Variants in PTBP3 observed in about 807,000 individuals in gnomAD.
PTBP3 encodes the protein polypyrimidine tract-binding protein 3.
PTBP3 carries 20 observed loss-of-function variants against 58.7 expected under a neutral mutation model. The observed-to-expected ratio is 0.34, with a 90% CI of 0.24 to 0.50. The LOEUF is 0.50. Among genes scored for constraint, PTBP3 ranks in the 20% least tolerant of loss-of-function variants. The probability of loss-of-function intolerance (pLI) is 0.98; values close to 1 mark genes in which losing one functional copy is unlikely to be tolerated. For synonymous variants in PTBP3, 185 were observed against 219.8 expected, an observed-to-expected ratio of 0.84 and a Z score of 1.40; for missense variants, 509 against 637.2, an observed-to-expected ratio of 0.80 and a Z score of 2.17.
intron 1 of PTBP3, chr9:112,298,506 G>A (rs963695776): frequency 2.0e-6 from 1 of 495,080 alleles, no homozygotes; most frequent in Non-Finnish European, 4.0e-6. Context: ...AAGTAACTCA[G>A]AGAAGTCTTT....
rs547828910 is a variant in PTBP3, at chr9:112,238,969, A to G, written c.803-4072T>C. 5.9e-5 allele frequency among the ~76,000 whole-genome samples: 9 copies of G among 152,320 alleles called. No homozygotes were observed. In the East Asian group the frequency reaches 1.7e-3, roughly 29 times the overall value. On this transcript the variant is annotated intron_variant, in intron 7 of 13. Transcript: ENST00000374257. Reference sequence around the variant, plus strand: ...TGGCATGTCTGAGTTGCAAGAAGGAATGAAAAGCCTAAAGAGTTATATATG... The same window carrying G: ...TGGCATGTCTGAGTTGCAAGAAGGAGTGAAAAGCCTAAAGAGTTATATATG...
chr9:112,371,929 G>C, the PTBP3 span, among the ~76,000 whole-genome samples: 43 of 152,028 alleles, frequency 2.8e-4, no homozygotes, highest in African/African-American at 1.0e-3. Context: ...ATTTTTTGTA[G>C]AGATGGAGTC....
chr9:112,355,192 C>G, the PTBP3 span, among the ~76,000 whole-genome samples: 1 of 152,096 alleles, frequency 6.6e-6, no homozygotes, highest in Non-Finnish European at 1.5e-5. Flanking sequence ...GGTATGAGAC[C>G]AACCCCTGTG....
At chr9:112,229,178 G>A (rs895432468) in intron 10 of PTBP3, among the ~76,000 whole-genome samples, 2 of 152,210 alleles carry the variant, frequency 1.3e-5, no homozygotes, top group East Asian at 3.9e-4. Context: ...CAGGTTCTAC[G>A]AAGTCAATTC....
At chr9:112,218,051 C>G (rs938968281), downstream of PTBP3, 2 of 152,076 alleles carry the variant, frequency 1.3e-5, no homozygotes, top group Admixed American at 6.5e-5. Context: ...AAATACTGAA[C>G]AAAACTGGAA....
At chr9:112,298,527 G>A (rs781253401) in intron 1 of PTBP3, 3 of 507,648 alleles carry the variant, frequency 5.9e-6, no homozygotes, top group Admixed American at 2.0e-5. Flanking sequence ...TCATTGTAAT[G>A]TAAGATCTAC....
At chr9:112,369,793 T>C in the PTBP3 span, among the ~76,000 whole-genome samples, 2 of 152,098 alleles carry the variant, frequency 1.3e-5, no homozygotes, top group Non-Finnish European at 2.9e-5. Context: ...TTTGGCTGTG[T>C]CCCCACCCAA....
intron 1 of PTBP3, among the ~76,000 whole-genome samples, chr9:112,300,620 C>T (rs1256446913): frequency 6.6e-6 from 1 of 152,070 alleles, no homozygotes; most frequent in African/African-American, 2.4e-5. Context: ...GGCGTGGTGG[C>T]GGGCGCCTGT....
At chr9:112,291,298 T>G (rs1418983382) in intron 2 of PTBP3, among the ~76,000 whole-genome samples, 1 of 151,790 alleles carries the variant, frequency 6.6e-6, no homozygotes, top group Non-Finnish European at 1.5e-5. Context: ...GTCCATAATA[T>G]TCAAAGTGAT....
At chr9:112,299,456 G>A (rs1828822319) in intron 1 of PTBP3, among the ~76,000 whole-genome samples, 2 of 151,976 alleles carry the variant, frequency 1.3e-5, no homozygotes, top group Non-Finnish European at 2.9e-5. Context: ...AGATATCTGC[G>A]ATATGTAAAA....
Position 112,223,934 on chromosome 9 carries a change from T to C in PTBP3, c.1492A>G (p.Ile498Val), listed in dbSNP as rs1488440337. Residue 498 changes from isoleucine to valine, a missense_variant, in exon 14 of 14, where the codon ATT becomes GTT. Ile to Val is a conservative substitution (Grantham distance 29). Transcript: ENST00000374257. ...TTATGAAGCTCAATGAGGGCCTGAA[T>C]TGCTTCTTCCACAGATCCCAATTGA... Reference protein sequence around the residue: ...LIQLGSVEEAIQALIELHNHD... With the variant: ...LIQLGSVEEAVQALIELHNHD... 2 of 1,613,640 alleles carry C rather than the reference T, an allele frequency of 1.2e-6. No individual in the cohort carries two copies. Among genetic ancestry groups the C allele is most frequent in the Non-Finnish European group, 1.7e-6 (2 of 1,179,836 alleles).
chr9:112,325,304 G>A (rs1037862586), intron 1 of PTBP3, among the ~76,000 whole-genome samples: 2 of 152,146 alleles, frequency 1.3e-5, no homozygotes, highest in African/African-American at 2.4e-5. Flanking sequence ...AACGTGGAGC[G>A]GCTCAGACTA....
intron 1 of PTBP3, among the ~76,000 whole-genome samples, chr9:112,313,077 A>G (rs180968045): frequency 1.3e-5 from 2 of 152,270 alleles, no homozygotes; most frequent in East Asian, 1.9e-4. Context: ...ATCAAAGTAC[A>G]TATGTGGTAT....
At chr9:112,270,795 C>T (rs2132173420) in intron 3 of PTBP3, among the ~76,000 whole-genome samples, 1 of 152,180 alleles carries the variant, frequency 6.6e-6, no homozygotes, top group South Asian at 2.1e-4. Context: ...CTTTAGTGTT[C>T]CCAGGGCTTA....
chr9:112,335,067 G>T (rs1441010718), upstream of PTBP3, among the ~76,000 whole-genome samples: 4 of 151,980 alleles, frequency 2.6e-5, no homozygotes, highest in Non-Finnish European at 4.4e-5. Flanking sequence ...ACTGTATTTG[G>T]GATATATTCT....
chr9:112,352,626 T>A, the PTBP3 span, among the ~76,000 whole-genome samples: 1 of 152,218 alleles, frequency 6.6e-6, no homozygotes, highest in African/African-American at 2.4e-5. Context: ...TCTTATTTCT[T>A]CACATTTCAA....
intron 1 of PTBP3, among the ~76,000 whole-genome samples, chr9:112,312,288 G>C (rs184928681): frequency 2.0e-5 from 3 of 152,196 alleles, no homozygotes; most frequent in Non-Finnish European, 4.4e-5. Flanking sequence ...TTCGAGACCA[G>C]GCTGGGCAAC....
intron 1 of PTBP3, among the ~76,000 whole-genome samples, chr9:112,308,554 G>A (rs982759014): frequency 2.0e-5 from 3 of 151,756 alleles, no homozygotes; most frequent in Admixed American, 6.6e-5. Flanking sequence ...AACAGATTAC[G>A]GTTTAAGGGA....
chr9:112,220,470 T>G lies in PTBP3; in HGVS notation c.*3381A>C. On this transcript the variant is annotated 3_prime_UTR_variant, in exon 14 of 14. Coordinates refer to ENST00000374257, the MANE Select transcript of PTBP3 (RefSeq NM_001163788.4). ...AAAACAGAACCCATGATTATCATAC[T>G]AGGTGGAGCCAAAGAAGGCCTCACT... 1 of 1,087,672 alleles carries G rather than the reference T, an allele frequency of 9.2e-7. No homozygotes were observed. The highest frequency in any genetic ancestry group is 1.1e-6 in the Non-Finnish European group (1 of 887,354). The allele number at this position is 1,087,672 out of a possible 1,614,324, so 67.4% of individuals were successfully genotyped here.
Sources: gnomAD v4.1 joint callset for allele counts (sites outside exome capture counted in the v4.1 genomes callset) on GRCh38, gnomAD v4.1.1 for gene constraint, MANE v1.5 for transcripts, NCBI Gene and HGNC (gene_info 2026-07-23, HGNC 2026-07-21) for gene names.